Variants in UNC5C observed in about 807,000 individuals in gnomAD.
UNC5C encodes netrin receptor UNC5C.
Under a neutral mutation model 99.8 loss-of-function variants are expected in UNC5C, and 47 were observed. The ratio of observed to expected loss-of-function variants is 0.47; its 90% confidence interval spans 0.37 to 0.60. UNC5C has a LOEUF of 0.60. UNC5C is among the 20% of genes least tolerant of loss of function. UNC5C has a pLI of 0.00. For synonymous variants in UNC5C, 487 were observed against 452.2 expected (o/e 1.08, Z -0.98); for missense variants, 1,062 against 1,165.9 (o/e 0.91, Z 1.30).
At chr4:95,540,400 C>T (rs1722889980) in intron 1 of UNC5C, among the ~76,000 whole-genome samples, 1 of 152,094 alleles carries the variant, frequency 6.6e-6, no homozygotes, top group Admixed American at 6.6e-5. Flanking sequence ...CTCAAATGGG[C>T]TTCTGTTTTC....
At chr4:95,442,334 C>G (rs989172842) in intron 1 of UNC5C, among the ~76,000 whole-genome samples, 3 of 150,374 alleles carry the variant, frequency 2.0e-5, no homozygotes, top group African/African-American at 4.9e-5. Context: ...CCCTGTGTAG[C>G]TGGGACTACA....
At chr4:95,541,093 C>G (rs1468129295) in intron 1 of UNC5C, among the ~76,000 whole-genome samples, 1 of 152,136 alleles carries the variant, frequency 6.6e-6, no homozygotes, top group African/African-American at 2.4e-5. Flanking sequence ...AGAAGAGTCC[C>G]AAATTGCTCC....
intron 1 of UNC5C, among the ~76,000 whole-genome samples, chr4:95,427,243 G>C (rs1457075807): frequency 6.6e-6 from 1 of 152,202 alleles, no homozygotes; most frequent in Non-Finnish European, 1.5e-5. Context: ...GTAGTTTCCA[G>C]TGGAATCTAT....
At chr4:95,472,617 C>A (rs527482097) in intron 1 of UNC5C, among the ~76,000 whole-genome samples, 1 of 152,176 alleles carries the variant, frequency 6.6e-6, no homozygotes, top group Non-Finnish European at 1.5e-5. Flanking sequence ...CTGTGCTGAG[C>A]CCCATGGTAC....
intron 3 of UNC5C, among the ~76,000 whole-genome samples, chr4:95,291,304 G>C (rs1579300131): frequency 6.6e-6 from 1 of 152,042 alleles, no homozygotes; most frequent in Non-Finnish European, 1.5e-5. Context: ...TTATGGATGA[G>C]GAAACTGACA....
intron 12 of UNC5C, among the ~76,000 whole-genome samples, chr4:95,201,401 A>G (rs1027658652): frequency 2.0e-5 from 3 of 152,110 alleles, no homozygotes; most frequent in South Asian, 2.1e-4. Context: ...ACGTTCCTGC[A>G]TACTTTGACT....
At chr4:95,308,661 A>T (rs963908823) in intron 2 of UNC5C, among the ~76,000 whole-genome samples, 3 of 145,000 alleles carry the variant, frequency 2.1e-5, no homozygotes, top group Non-Finnish European at 4.5e-5. Context: ...GCTGAGGCAG[A>T]GAATTGCTTG....
chr4:95,169,204 T>G lies in UNC5C; in HGVS notation c.*30A>C. On this transcript the variant is annotated 3_prime_UTR_variant, in exon 16 of 16. Transcript: ENST00000453304. Reference sequence around the variant, plus strand: ...CGGCCACAGACTCCCTGTGCATTTTTGTCCTTCATTTCCCCTTCCAGCATG... The same window carrying G: ...CGGCCACAGACTCCCTGTGCATTTTGGTCCTTCATTTCCCCTTCCAGCATG... The G allele has an allele frequency of 6.2e-7, 1 of 1,611,248 alleles. No individual in the cohort carries two copies. The highest frequency in any genetic ancestry group is 8.5e-7 in the Non-Finnish European group (1 of 1,177,738).
chr4:95,381,306 G>T (rs1487785501), intron 1 of UNC5C, among the ~76,000 whole-genome samples: 1 of 152,154 alleles, frequency 6.6e-6, no homozygotes, highest in Non-Finnish European at 1.5e-5. Context: ...GTGTATTTCT[G>T]TGACATTATT....
At chr4:95,264,910 A>C (rs532323896) in intron 4 of UNC5C, among the ~76,000 whole-genome samples, 1 of 152,214 alleles carries the variant, frequency 6.6e-6, no homozygotes. Flanking sequence ...TCCTTTTATA[A>C]CATCCAGCAT....
intron 1 of UNC5C, among the ~76,000 whole-genome samples, chr4:95,391,052 A>G (rs559202053): frequency 4.7e-4 from 72 of 152,214 alleles, no homozygotes; most frequent in African/African-American, 1.5e-3. Flanking sequence ...AGGAGATCTG[A>G]TGGTTTTATA....
intron 1 of UNC5C, among the ~76,000 whole-genome samples, chr4:95,393,863 T>TTA (rs767724274): frequency 9.6e-5 from 14 of 146,238 alleles, no homozygotes; most frequent in African/African-American, 3.5e-4. Context: ...TTTTTTTTTT[T>TTA]AAAAAAAAAC....
chr4:95,244,828 T>C (rs1739442294), intron 6 of UNC5C, 149 bp downstream of exon 6: 2 of 1,106,832 alleles, frequency 1.8e-6, no homozygotes, highest in African/African-American at 3.2e-5. Flanking sequence ...AAATACTTGA[T>C]TTCCCAGCAA....
intron 1 of UNC5C, among the ~76,000 whole-genome samples, chr4:95,478,567 C>A (rs1721032380): frequency 1.3e-5 from 2 of 151,872 alleles, no homozygotes; most frequent in Non-Finnish European, 2.9e-5. Flanking sequence ...TATTCCACAC[C>A]CTTGTTGTAA....
At chr4:95,259,332 C>T (rs934722862) in intron 4 of UNC5C, among the ~76,000 whole-genome samples, 3 of 152,082 alleles carry the variant, frequency 2.0e-5, no homozygotes, top group African/African-American at 7.2e-5. Context: ...TAATTATTAA[C>T]ATTTAGTTAA....
chr4:95,179,545 G>C (rs545916788), intron 14 of UNC5C, among the ~76,000 whole-genome samples: 6 of 152,180 alleles, frequency 3.9e-5, no homozygotes, highest in Non-Finnish European at 7.4e-5. Context: ...TCAGGAGTTC[G>C]AGACCAGCCT....
At position 95,180,784 on chromosome 4, in the gene UNC5C, G is replaced by GAGAT. The variant is rs777921893; in HGVS notation, c.2451+2109_2451+2112dup. ...TTCTGGCAAGCCAGCTCATTCCTGGGAGATAGGACATTGGAACGGGAACCC... is the reference window on the plus strand; with the variant it reads ...TTCTGGCAAGCCAGCTCATTCCTGGGAGATAGATAGGACATTGGAACGGGAACCC... On this transcript the variant is annotated intron_variant, in intron 14 of 15. Transcript: ENST00000453304. Among the ~76,000 whole-genome samples the GAGAT allele has an allele frequency of 5.3e-5, 8 of 152,324 alleles. No individual in the cohort carries two copies. The East Asian group carries it at 7.7e-4, about 15-fold the overall frequency.
intron 1 of UNC5C, among the ~76,000 whole-genome samples, chr4:95,546,617 C>CA (rs1415227928): frequency 6.6e-6 from 1 of 152,184 alleles, no homozygotes. Context: ...GAAATGCATA[C>CA]ACCCAACGGA....
intron 1 of UNC5C, among the ~76,000 whole-genome samples, chr4:95,481,050 G>GA (rs1721136091): frequency 6.6e-6 from 1 of 150,590 alleles, no homozygotes; most frequent in African/African-American, 2.5e-5. Flanking sequence ...ATTCAATTAG[G>GA]AAAAGAGGAA....
Sources: allele counts gnomAD v4.1 joint callset (sites outside exome capture counted in the v4.1 genomes callset), GRCh38; gene constraint gnomAD v4.1.1; transcripts MANE v1.5; gene names NCBI Gene and HGNC (gene_info 2026-07-23, HGNC 2026-07-21).